The following TFDP2 variants were observed in gnomAD, a reference collection of about 807,000 sequenced individuals.
TFDP2 encodes the protein transcription factor Dp-2 (E2F dimerization partner 2).
In TFDP2, 17 loss-of-function variants were observed where a neutral mutation model predicts 59.3. That is an observed-to-expected ratio of 0.29 (90% CI 0.20 to 0.43). TFDP2 has a LOEUF of 0.43. Ranked by LOEUF, TFDP2 falls within the 20% of genes least tolerant of loss-of-function variation. TFDP2 has a pLI of 1.00. For missense variants in TFDP2, 391 were observed against 528.8 expected (o/e 0.74, Z 2.56); for synonymous variants, 180 against 194.7 (o/e 0.92, Z 0.63).
At chr3:141,991,816 G>A (rs1942800000) in intron 6 of TFDP2, among the ~76,000 whole-genome samples, 1 of 152,198 alleles carries the variant, frequency 6.6e-6, no homozygotes, top group African/African-American at 2.4e-5. Flanking sequence ...GCCAAGGCAG[G>A]AGGATCACTT....
intron 8 of TFDP2, among the ~76,000 whole-genome samples, chr3:141,972,041 A>C (rs1053947469): frequency 4.6e-5 from 7 of 152,214 alleles, no homozygotes; most frequent in Non-Finnish European, 1.0e-4. Flanking sequence ...CCAGCAGATT[A>C]TCTCTTACTT....
intron 1 of TFDP2, among the ~76,000 whole-genome samples, chr3:142,143,407 C>G (rs35250413): frequency 0.083 from 12,648 of 152,116 alleles, 654 homozygotes; most frequent in Middle Eastern, 0.14. Flanking sequence ...CAAATGGGAT[C>G]ACATCAAGTA....
intron 3 of TFDP2, among the ~76,000 whole-genome samples, chr3:142,016,696 T>C (rs769938874): frequency 6.6e-6 from 1 of 152,238 alleles, no homozygotes; most frequent in Non-Finnish European, 1.5e-5. Flanking sequence ...TGTCCCTTCA[T>C]AGTATTAAAA....
chr3:142,031,111 A>G (rs539547240), intron 3 of TFDP2, among the ~76,000 whole-genome samples: 1 of 152,338 alleles, frequency 6.6e-6, no homozygotes, highest in Admixed American at 6.5e-5. Context: ...GACAACAATT[A>G]CAAGTTAAAA....
chr3:141,952,940 C>A lies in TFDP2; in HGVS notation c.1128G>T (p.Leu376=). 6.2e-7 allele frequency: 1 copy of A among 1,614,010 alleles called. No homozygotes were observed. The highest frequency in any genetic ancestry group is 1.1e-5 in the South Asian group (1 of 91,044). The change falls in exon 12 of 13, where the codon CTG becomes CTT. Residue 376 remains leucine (L), a synonymous_variant. Coordinates refer to ENST00000489671, the MANE Select transcript of TFDP2 (RefSeq NM_001178139.2). ...NSTQSVSNLD[L]TTGATLPQSS... ...ACTGGGGTAAGGTGGCACCAGTGGT[C>A]AGGTCTAAATTTGAAACTGATTGGG...
At chr3:142,040,059 T>C (rs928983411) in intron 3 of TFDP2, among the ~76,000 whole-genome samples, 1 of 152,144 alleles carries the variant, frequency 6.6e-6, no homozygotes, top group Admixed American at 6.6e-5. Context: ...TCTACTGTTC[T>C]TGTATACATG....
intron 7 of TFDP2, 127 bp downstream of exon 7, chr3:141,978,389 CAACA>C (rs971477324): frequency 5.3e-6 from 5 of 950,772 alleles, no homozygotes; most frequent in Non-Finnish European, 7.2e-6. Context: ...AACTCAACAA[CAACA>C]AAAAATCCCC....
At chr3:142,016,292 G>A (rs187811784) in intron 3 of TFDP2, among the ~76,000 whole-genome samples, 56 of 115,062 alleles carry the variant, frequency 4.9e-4, no homozygotes, top group African/African-American at 1.7e-3. Flanking sequence ...GAACCACCAC[G>A]CCCAGCAACA....
chr3:141,968,587 TATATAGATATATATAACATATATATCTC>T (rs1350560361), intron 9 of TFDP2, among the ~76,000 whole-genome samples: 912 of 111,284 alleles, frequency 8.2e-3, no homozygotes, highest in Non-Finnish European at 0.012. Context: ...ATATATCTCA[TATATAGATATATATAACATATATATCTC>T]ATATATAGAT....
chr3:141,990,105 G>T (rs1431807641), intron 6 of TFDP2, among the ~76,000 whole-genome samples: 1 of 151,948 alleles, frequency 6.6e-6, no homozygotes, highest in Non-Finnish European at 1.5e-5. Flanking sequence ...GGTTGGCCAG[G>T]CTGGTCTTGA....
At chr3:142,143,067 C>T (rs778827745) in intron 1 of TFDP2, among the ~76,000 whole-genome samples, 37 of 152,142 alleles carry the variant, frequency 2.4e-4, no homozygotes, top group Non-Finnish European at 4.7e-4. Context: ...GAAACCCCAT[C>T]TCTACTAAAA....
chr3:142,108,695 G>A (rs1360231293), intron 1 of TFDP2, among the ~76,000 whole-genome samples: 1 of 152,120 alleles, frequency 6.6e-6, no homozygotes, highest in Non-Finnish European at 1.5e-5. Context: ...CTAAACTGGT[G>A]ACAGTAATGA....
chr3:142,134,293 G>A (rs1033851437), intron 1 of TFDP2, among the ~76,000 whole-genome samples: 2 of 151,324 alleles, frequency 1.3e-5, no homozygotes, highest in African/African-American at 2.4e-5. Context: ...AGGTTGCAGT[G>A]GGCCGAGACC....
chr3:142,135,853 T>C (rs1028948555), intron 1 of TFDP2, among the ~76,000 whole-genome samples: 1 of 152,094 alleles, frequency 6.6e-6, no homozygotes, highest in Non-Finnish European at 1.5e-5. Flanking sequence ...TGAATAGTGC[T>C]GCAATAAACA....
At chr3:142,000,965 A>C (rs1943709785) in intron 4 of TFDP2, among the ~76,000 whole-genome samples, 1 of 152,190 alleles carries the variant, frequency 6.6e-6, no homozygotes, top group African/African-American at 2.4e-5. Context: ...CCCATGCTGC[A>C]GTTCTCCTGG....
intron 3 of TFDP2, among the ~76,000 whole-genome samples, chr3:142,066,311 G>A (rs1281302190): frequency 6.6e-6 from 1 of 152,188 alleles, no homozygotes; most frequent in Non-Finnish European, 1.5e-5. Context: ...TGCTATGAAG[G>A]TAAGTATGAT....
At chr3:142,105,659 G>A (rs559093453) in intron 1 of TFDP2, among the ~76,000 whole-genome samples, 1 of 152,282 alleles carries the variant, frequency 6.6e-6, no homozygotes, top group Middle Eastern at 3.4e-3. Flanking sequence ...AATATAGTAA[G>A]AGGGTACCAA....
rs1192576588 is a variant in TFDP2, at chr3:141,949,121, AGG to A, written c.*3390_*3391del. Reference sequence around the variant, plus strand: ...AAAAAATTTCCATTTGAATTCTGATAGGAGCTACCTTGTTTTCAAGGACTGAC... The same window carrying A: ...AAAAAATTTCCATTTGAATTCTGATAAGCTACCTTGTTTTCAAGGACTGAC... On this transcript the variant is annotated 3_prime_UTR_variant, in exon 13 of 13. Coordinates refer to ENST00000489671, the MANE Select transcript of TFDP2 (RefSeq NM_001178139.2). 1 of 151,428 alleles carries A rather than the reference AGG, an allele frequency of 6.6e-6. No homozygotes were observed. The highest frequency in any genetic ancestry group is 1.5e-5 in the Non-Finnish European group (1 of 67,872). 9.4% of individuals were successfully genotyped at this position (151,428 alleles called of 1,614,324 possible). A position where few individuals can be genotyped will look rare whatever the true frequency, so the allele number is the denominator to read the frequency against.
At position 141,995,010 on chromosome 3, in the gene TFDP2, A is replaced by G; in HGVS notation, c.308+10T>C. On this transcript the variant is annotated intron_variant, in intron 5 of 12. Coordinates refer to ENST00000489671, the MANE Select transcript of TFDP2 (RefSeq NM_001178139.2). ...AAGGTTTTAAAAATAGTAACTTGCA[A>G]CACTCTTACCCAGGGACCCAGCCAG... 3.2e-6 allele frequency: 5 copies of G among 1,549,888 alleles called. No homozygotes were observed. Among genetic ancestry groups the G allele is most frequent in the Non-Finnish European group, 4.3e-6 (5 of 1,150,052 alleles).
Sources: allele counts gnomAD v4.1 joint callset (sites outside exome capture counted in the v4.1 genomes callset), GRCh38; gene constraint gnomAD v4.1.1; transcripts MANE v1.5; gene names NCBI Gene and HGNC (gene_info 2026-07-23, HGNC 2026-07-21).